The following CEP350 variants were observed in gnomAD, a reference collection of about 807,000 sequenced individuals.
The protein encoded by CEP350 is centrosome-associated protein 350.
Under a neutral mutation model 331.8 loss-of-function variants are expected in CEP350, and 126 were observed. That is an observed-to-expected ratio of 0.38 (90% CI 0.33 to 0.44). The LOEUF is 0.44. Ranked by LOEUF, CEP350 falls within the 20% of genes least tolerant of loss-of-function variation. The pLI is 1.00. For synonymous variants in CEP350, 1,200 were observed against 1,259.5 expected (o/e 0.95, Z 1.00); for missense variants, 3,406 against 3,634.6 (o/e 0.94, Z 1.62).
At chr1:180,051,936 C>G (rs1242318691) in intron 22 of CEP350, among the ~76,000 whole-genome samples, 1 of 152,064 alleles carries the variant, frequency 6.6e-6, no homozygotes. Context: ...TGGTCAGAGC[C>G]AGGTTTCTCA....
In CEP350 at chr1:180,095,700, C is replaced by A. The variant is rs1465157443; in HGVS notation, c.8689C>A (p.Pro2897Thr). Residue 2897 changes from proline to threonine, a missense_variant, in exon 35 of 38, where the codon CCT (proline) becomes ACT (threonine). By Grantham distance (38) the Pro-to-Thr change is conservative. This residue lies in a region of CEP350 where 1,415 missense variants were observed against 1,512.3 expected (regional missense o/e 0.94). Coordinates refer to ENST00000367607, the MANE Select transcript of CEP350 (RefSeq NM_014810.5). ...QKNKAEETIV[P>T]LMAEPKRVTQ... ...AAATAAGGCAGAAGAAACCATTGTA[C>A]CTCTAATGGCAGAACCTAAAAGAGT... is the stretch of plus-strand genomic sequence containing the variant. The A allele has an allele frequency of 6.2e-6, 10 of 1,613,836 alleles. No homozygotes were observed. The highest frequency in any genetic ancestry group is 8.5e-6 in the Non-Finnish European group (10 of 1,179,890).
chr1:180,087,699 C>A lies in CEP350; in HGVS notation c.6407C>A (p.Pro2136His), dbSNP rs867952059. The change falls in exon 32 of 38, where the codon CCC (proline) becomes CAC (histidine). Residue 2136 changes from proline (P) to histidine (H), a missense_variant. Coordinates refer to ENST00000367607, the MANE Select transcript of CEP350 (RefSeq NM_014810.5). The part of the protein sequence containing the change: ...SSASEKPKIK[P>H]LTPLHRSETA... ...GCTTCTGAAAAACCCAAGATCAAAC[C>A]CCTCACACCACTACACAGGTAGAAA... 6 of 1,578,202 alleles carry A rather than the reference C, an allele frequency of 3.8e-6. No homozygotes were observed. The highest frequency in any genetic ancestry group is 1.8e-5 in the Admixed American group (1 of 56,056).
intron 28 of CEP350, among the ~76,000 whole-genome samples, chr1:180,077,812 A>G (rs187400974): frequency 6.6e-6 from 1 of 152,056 alleles, no homozygotes; most frequent in East Asian, 1.9e-4. Flanking sequence ...AGGTTTCTTC[A>G]TAGGAAACCT....
chr1:180,060,924 C>A (rs1039654568), intron 25 of CEP350, among the ~76,000 whole-genome samples: 1 of 151,706 alleles, frequency 6.6e-6, no homozygotes, highest in South Asian at 2.1e-4. Flanking sequence ...AGATACCAAA[C>A]CCATGATAGT....
Position 180,092,182 on chromosome 1 carries a change from A to G in CEP350, c.6509-432A>G, listed in dbSNP as rs376933429. On this transcript the variant is annotated intron_variant, in intron 33 of 37. Coordinates refer to ENST00000367607, the MANE Select transcript of CEP350 (RefSeq NM_014810.5). ...AAATAGTTGATCTATTTTCTTTTTA[A>G]TTCAAGAGCTTAGTTGAAGCTCCTA... 5.3e-5 allele frequency among the ~76,000 whole-genome samples: 8 copies of G among 152,236 alleles called. No homozygotes were observed. The East Asian group carries it at 7.7e-4, about 15-fold the overall frequency.
chr1:179,996,468 A>G (rs1264935519), intron 5 of CEP350, 85 bp from the exon 6 acceptor site: 7 of 955,594 alleles, frequency 7.3e-6, no homozygotes, highest in Non-Finnish European at 7.6e-6. Flanking sequence ...TTGTGGTGAG[A>G]ACACTTAAAA....
rs1048278763 is a variant in CEP350 at position 179,968,991 on chromosome 1, C to T, written c.-14+13849C>T. On this transcript the variant is annotated intron_variant, in intron 1 of 37. Coordinates refer to ENST00000367607, the MANE Select transcript of CEP350 (RefSeq NM_014810.5). ...CCTTCACTAACCAGATCCAGGCAGC[C>T]TTCCGGGAGCCATGGCTTGTGGTGG... The T allele has an allele frequency of 6.6e-6, 5 of 757,306 alleles. No individual in the cohort carries two copies. The African/African-American group carries it at 8.5e-5, about 13-fold the overall frequency. 46.9% of individuals were successfully genotyped at this position (757,306 alleles called of 1,614,324 possible). A position where few individuals can be genotyped will look rare whatever the true frequency, so the allele number is the denominator to read the frequency against.
At chr1:180,022,443 G>T (rs1429892696) in intron 12 of CEP350, among the ~76,000 whole-genome samples, 1 of 152,060 alleles carries the variant, frequency 6.6e-6, no homozygotes, top group Non-Finnish European at 1.5e-5. Context: ...TGATGTATTG[G>T]TCATTGTTGA....
At chr1:179,999,524 G>C (rs1004125911) in intron 6 of CEP350, among the ~76,000 whole-genome samples, 2 of 151,990 alleles carry the variant, frequency 1.3e-5, no homozygotes, top group African/African-American at 4.8e-5. Flanking sequence ...CTTTTTGGTA[G>C]TATAAATTAA....
intron 3 of CEP350, 124 bp from the exon 4 acceptor site, chr1:179,990,383 C>T: frequency 2.3e-6 from 1 of 429,388 alleles, no homozygotes; most frequent in Middle Eastern, 6.3e-4. Context: ...GAAAGGATTC[C>T]TGAGTTTTTT....
chr1:180,090,487 A>G, intron 32 of CEP350, among the ~76,000 whole-genome samples: 1 of 137,822 alleles, frequency 7.3e-6, no homozygotes, highest in Non-Finnish European at 1.5e-5. Context: ...CGGAGCTTGC[A>G]GTGAGCCGAG....
At chr1:180,054,360 TCAGGTAAGAGA>T in intron 24 of CEP350, 44 bp from the exon 25 acceptor site, 2 of 1,361,746 alleles carry the variant, frequency 1.5e-6, no homozygotes, top group Non-Finnish European at 2.1e-6. Flanking sequence ...TTGACATTAT[TCAGGTAAGAGA>T]AATTTAATCA....
intron 30 of CEP350, 61 bp from the exon 31 acceptor site, chr1:180,083,954 AGTT>A (rs759013606): frequency 1.3e-5 from 10 of 742,092 alleles, no homozygotes; most frequent in Non-Finnish European, 2.1e-5. Context: ...TTTTATTAGT[AGTT>A]ACTGAGTTAA....
chr1:180,062,587 T>G (rs1658289207), intron 26 of CEP350, among the ~76,000 whole-genome samples: 1 of 152,148 alleles, frequency 6.6e-6, no homozygotes, highest in Non-Finnish European at 1.5e-5. Context: ...TCTTAACAGT[T>G]CTGGAAGGTG....
Position 180,045,044 on chromosome 1 carries a change from T to C in CEP350, c.4622+871T>C, listed in dbSNP as rs567411442. Among the ~76,000 whole-genome samples the C allele has an allele frequency of 5.1e-4, 76 of 147,634 alleles. No homozygotes were observed. In the South Asian group the frequency reaches 0.017, roughly 32 times the overall value. On this transcript the variant is annotated intron_variant, in intron 21 of 37. Coordinates refer to ENST00000367607, the MANE Select transcript of CEP350 (RefSeq NM_014810.5). ...TTGATGTTACAAATTTTTATTGTTA[T>C]AAAAAATATTGAATAGGCCGGGCAC...
At chr1:179,964,423 T>C (rs755923611) in intron 1 of CEP350, among the ~76,000 whole-genome samples, 8 of 152,080 alleles carry the variant, frequency 5.3e-5, no homozygotes, top group Non-Finnish European at 8.8e-5. Flanking sequence ...AGTGTGATCT[T>C]GATTTTTTGG....
chr1:180,094,451 G>T lies in CEP350; in HGVS notation c.8346G>T (p.Gln2782His), dbSNP rs776662489. The T allele has an allele frequency of 9.3e-6, 15 of 1,613,854 alleles. No individual in the cohort carries two copies. Among genetic ancestry groups the T allele is most frequent in the South Asian group, 2.2e-5 (2 of 91,044 alleles). Residue 2782 changes from glutamine (Q) to histidine (H), a missense_variant, in exon 34 of 38, where the codon CAG (glutamine) becomes CAT (histidine). Physicochemically the swap from Gln to His is conservative, Grantham distance 24. Transcript: ENST00000367607. ...AAAAAACCAGGGATGAGAAAATCCA[G>T]CTTAGCAATCAGGAGCTTCTTGGTG... Reference protein sequence around the residue: ...QIKKTRDEKIQLSNQELLGDD... With the variant: ...QIKKTRDEKIHLSNQELLGDD...
At chr1:179,987,196 AG>A (rs767105954) in intron 2 of CEP350, 43 bp from the exon 3 acceptor site, 1 of 1,053,496 alleles carries the variant, frequency 9.5e-7, no homozygotes, top group Non-Finnish European at 1.4e-6. Context: ...TCTAATTCAG[AG>A]ATTCTGGTTG....
chr1:180,084,183 G>A lies in CEP350; in HGVS notation c.6285+5G>A. 6.3e-7 allele frequency: 1 copy of A among 1,577,956 alleles called. No homozygotes were observed. Among genetic ancestry groups the A allele is most frequent in the Non-Finnish European group, 8.6e-7 (1 of 1,163,074 alleles). On this transcript the variant is annotated splice_donor_5th_base_variant and intron_variant, in intron 31 of 37. Coordinates refer to ENST00000367607, the MANE Select transcript of CEP350 (RefSeq NM_014810.5). ...AGTCTGATCAAGCAGTTAGAGGTTA[G>A]ACATAGGAAGAAGGGGGTTTAGTAT...
Sources: allele counts gnomAD v4.1 joint callset (sites outside exome capture counted in the v4.1 genomes callset), GRCh38; gene constraint gnomAD v4.1.1; regional missense constraint gnomAD v4.1.1; transcripts MANE v1.5; gene names NCBI Gene and HGNC (gene_info 2026-07-23, HGNC 2026-07-21).